PRKG1: variants seen among roughly 807,000 people sequenced by gnomAD.
PRKG1 encodes the protein protein kinase cGMP-dependent 1.
A neutral mutation model predicts 88.1 loss-of-function variants in PRKG1; 35 were observed. The ratio of observed to expected loss-of-function variants is 0.40; its 90% CI spans 0.30 to 0.53. The LOEUF is 0.53. PRKG1 is among the 20% of genes least tolerant of loss of function. The pLI is 0.59. For synonymous variants in PRKG1, 303 were observed against 292.5 expected (o/e 1.04, Z -0.37); for missense variants, 540 against 839.8 (o/e 0.64, Z 4.41).
At chr10:51,533,808 G>T (rs1329953648) in intron 3 of PRKG1, among the ~76,000 whole-genome samples, 1 of 152,112 alleles carries the variant, frequency 6.6e-6, no homozygotes, top group Admixed American at 6.5e-5. Flanking sequence ...CCAGTTGTGG[G>T]TGAAAACCTG....
chr10:51,398,397 A>AC (rs139501282), intron 2 of PRKG1, among the ~76,000 whole-genome samples: 2,898 of 152,200 alleles, frequency 0.019, 88 homozygotes, highest in African/African-American at 0.066. Flanking sequence ...ATGCTCACTC[A>AC]CCTGCTGCTC....
chr10:51,519,955 A>G (rs1841693481), intron 3 of PRKG1, among the ~76,000 whole-genome samples: 1 of 152,146 alleles, frequency 6.6e-6, no homozygotes, highest in South Asian at 2.1e-4. Context: ...GGCACTTAGT[A>G]TTTAACTATC....
At chr10:52,128,634 T>C (rs181958490) in intron 7 of PRKG1, 1 of 953,402 alleles carries the variant, frequency 1.0e-6, no homozygotes, top group Admixed American at 6.2e-5. Flanking sequence ...CATCTGAAAA[T>C]GTTAGAAGTG....
intron 9 of PRKG1, among the ~76,000 whole-genome samples, chr10:52,213,111 A>G (rs1840023399): frequency 6.6e-6 from 1 of 152,172 alleles, no homozygotes; most frequent in Non-Finnish European, 1.5e-5. Flanking sequence ...TAAGTCAGTC[A>G]CTATGTTATG....
intron 7 of PRKG1, among the ~76,000 whole-genome samples, chr10:52,103,872 C>A (rs1443988565): frequency 6.6e-6 from 1 of 151,670 alleles, no homozygotes; most frequent in Non-Finnish European, 1.5e-5. Context: ...CAATAAGATA[C>A]AAATCTTTGG....
chr10:50,991,702 G>C lies in PRKG1; in HGVS notation c.266+58G>C. The C allele has an allele frequency of 2.5e-6, 3 of 1,192,208 alleles. No homozygotes were observed. Among genetic ancestry groups the C allele is most frequent in the Non-Finnish European group, 3.1e-6 (3 of 956,742 alleles). The allele number at this position is 1,192,208 out of a possible 1,614,324, so 73.9% of individuals were successfully genotyped here. On this transcript the variant is annotated intron_variant, in intron 1 of 17. Coordinates refer to the PRKG1 transcript ENST00000401604. This position sits in a 1 kb window ranked among gnomAD's most constrained non-coding sequence, Gnocchi z 4.5. ...TCCCGGCCCGCGGCGCAGAGGCTGG[G>C]GGCTCTGGCCGCGGCGGCGGGGGCG...
chr10:51,983,137 G>A (rs966821804), intron 5 of PRKG1, among the ~76,000 whole-genome samples: 1 of 152,140 alleles, frequency 6.6e-6, no homozygotes, highest in Non-Finnish European at 1.5e-5. Context: ...TCCCACACCA[G>A]TGTTGGCAAG....
At chr10:51,530,769 C>T (rs931383347) in intron 3 of PRKG1, among the ~76,000 whole-genome samples, 1 of 152,202 alleles carries the variant, frequency 6.6e-6, no homozygotes, top group Non-Finnish European at 1.5e-5. Context: ...TTCTCACACA[C>T]GACCTTCCAC....
In PRKG1 at chr10:51,989,383, G is replaced by A. The variant is rs1157305786; in HGVS notation, c.763-65101G>A. Reference sequence around the variant, plus strand: ...CATTTTAAGAATGATTACCCGTAATGTGGAGAATGACTGGAAGGGACGGAT... The same window carrying A: ...CATTTTAAGAATGATTACCCGTAATATGGAGAATGACTGGAAGGGACGGAT... On this transcript the variant is annotated intron_variant, in intron 5 of 17. Transcript: ENST00000373980. Among the ~76,000 whole-genome samples the A allele has an allele frequency of 5.4e-5, 8 of 147,074 alleles. No individual in the cohort carries two copies. In the Admixed American group the frequency reaches 5.6e-4, roughly 10 times the overall value.
chr10:51,943,085 G>A (rs1842946569), intron 5 of PRKG1, among the ~76,000 whole-genome samples: 1 of 152,026 alleles, frequency 6.6e-6, no homozygotes, highest in Non-Finnish European at 1.5e-5. Context: ...CTATCCATGA[G>A]CATGGAATGT....
intron 5 of PRKG1, among the ~76,000 whole-genome samples, chr10:52,033,013 C>T (rs1845508996): frequency 6.6e-6 from 1 of 152,146 alleles, no homozygotes; most frequent in Non-Finnish European, 1.5e-5. Context: ...TTTTTTTATA[C>T]TTAGGATGTG....
intron 9 of PRKG1, among the ~76,000 whole-genome samples, chr10:52,181,444 T>A (rs1168917000): frequency 2.3e-4 from 31 of 134,466 alleles, no homozygotes; most frequent in African/African-American, 8.4e-4. Flanking sequence ...TTTTTTTTTT[T>A]AATTATACTT....
intron 4 of PRKG1, among the ~76,000 whole-genome samples, chr10:51,814,373 T>C (rs1001127606): frequency 6.6e-6 from 1 of 152,188 alleles, no homozygotes; most frequent in Non-Finnish European, 1.5e-5. Flanking sequence ...TCTTCTATCA[T>C]TTACAAAAAG....
intron 3 of PRKG1, among the ~76,000 whole-genome samples, chr10:51,551,845 A>G (rs944082668): frequency 6.6e-6 from 1 of 151,780 alleles, no homozygotes; most frequent in African/African-American, 2.4e-5. Flanking sequence ...AAGACTAACC[A>G]TAGTAAAAGC....
At chr10:51,021,405 C>A (rs577645108) in intron 1 of PRKG1, among the ~76,000 whole-genome samples, 1 of 152,302 alleles carries the variant, frequency 6.6e-6, no homozygotes, top group Non-Finnish European at 1.5e-5. Context: ...CTCAGCAAAT[C>A]TAACTTTTGC....
chr10:51,735,059 T>A (rs1048267640), intron 3 of PRKG1, among the ~76,000 whole-genome samples: 6 of 152,128 alleles, frequency 3.9e-5, no homozygotes, highest in Non-Finnish European at 7.4e-5. Flanking sequence ...GTAGGAATTA[T>A]AAAGACAAAA....
chr10:51,477,081 C>A (rs969062733), intron 3 of PRKG1, among the ~76,000 whole-genome samples: 3 of 151,772 alleles, frequency 2.0e-5, no homozygotes, highest in Non-Finnish European at 4.4e-5. Context: ...CAGTCACCAG[C>A]AAAACATTGA....
intron 3 of PRKG1, among the ~76,000 whole-genome samples, chr10:51,610,004 T>A (rs2339793): frequency 0.93 from 140,320 of 151,228 alleles, 65,131 homozygotes; most frequent in East Asian, 0.99. Context: ...TAAAAAAAAA[T>A]TTTTTTGATC....
Position 51,138,856 on chromosome 10 carries a change from A to G in PRKG1, c.312-14308A>G, listed in dbSNP as rs192321193. Among the ~76,000 whole-genome samples the G allele has an allele frequency of 3.3e-3, 493 of 150,542 alleles. 2 individuals carry two copies. Among genetic ancestry groups the G allele is most frequent in the African/African-American group, 0.01 (416 of 41,036 alleles). ...CGCCACCATGCCCGGCTAATTTTTT[A>G]CATTTTTAGTAGAGACGGGGTTTCA... On this transcript the variant is annotated intron_variant, in intron 1 of 17. Transcript: ENST00000373980.
Sources: gnomAD v4.1 joint callset for allele counts (sites outside exome capture counted in the v4.1 genomes callset) on GRCh38, gnomAD v4.1.1 for gene constraint, Gnocchi (gnomAD v3.1) non-coding constraint, MANE v1.5 for transcripts, NCBI Gene and HGNC (gene_info 2026-07-23, HGNC 2026-07-21) for gene names.